GPHN: variants seen among roughly 807,000 people sequenced by gnomAD.
GPHN encodes gephyrin.
In GPHN, 17 loss-of-function variants were observed where a neutral mutation model predicts 95.5. The ratio of observed to expected loss-of-function variants is 0.18; its 90% CI spans 0.12 to 0.27. The LOEUF (loss-of-function observed/expected upper bound fraction) is 0.27, where lower values mean the gene tolerates loss of function less well. Ranked by LOEUF, GPHN falls within the 10% of genes least tolerant of loss-of-function variation. The pLI is 1.00. For missense variants in GPHN, 660 were observed against 978.1 expected (o/e 0.67, Z 4.34); for synonymous variants, 320 against 322.5 (o/e 0.99, Z 0.08).
the GPHN span, among the ~76,000 whole-genome samples, chr14:67,443,118 G>A: frequency 8.5e-5 from 13 of 152,266 alleles, no homozygotes; most frequent in Non-Finnish European, 1.6e-4. Context: ...CTACTTGGGA[G>A]GCTGAGGTGG....
chr14:67,256,897 G>C, the GPHN span, among the ~76,000 whole-genome samples: 4 of 152,234 alleles, frequency 2.6e-5, no homozygotes, highest in African/African-American at 9.6e-5. Context: ...ACCAAAGAAT[G>C]TGGGTATTGT....
At chr14:66,787,406 G>A (rs999440378) in intron 3 of GPHN, among the ~76,000 whole-genome samples, 2 of 152,124 alleles carry the variant, frequency 1.3e-5, no homozygotes, top group African/African-American at 2.4e-5. Flanking sequence ...AATGATGTCA[G>A]TTCTCCCCTA....
chr14:67,713,563 G>A, the GPHN span, among the ~76,000 whole-genome samples: 4 of 152,110 alleles, frequency 2.6e-5, no homozygotes, highest in South Asian at 2.1e-4. Context: ...CTGGTACCAG[G>A]CACTGATAGG....
intron 1 of GPHN, among the ~76,000 whole-genome samples, chr14:66,635,796 A>G (rs1440505559): frequency 6.6e-6 from 1 of 152,178 alleles, no homozygotes; most frequent in Non-Finnish European, 1.5e-5. Flanking sequence ...AAACACTCAA[A>G]GAAAAAATTT....
At chr14:67,477,090 T>C in the GPHN span, among the ~76,000 whole-genome samples, 1 of 151,296 alleles carries the variant, frequency 6.6e-6, no homozygotes, top group Non-Finnish European at 1.5e-5. Flanking sequence ...CGCTTGAACC[T>C]GGGAGGTGGA....
chr14:66,778,760 A>T (rs2059491797), intron 3 of GPHN, among the ~76,000 whole-genome samples: 1 of 104,032 alleles, frequency 9.6e-6, no homozygotes, highest in African/African-American at 4.1e-5. Context: ...TTTTTGAGAC[A>T]GTCTCGCTCT....
chr14:67,615,055 G>A, the GPHN span: 2 of 152,100 alleles, frequency 1.3e-5, no homozygotes, highest in Admixed American at 6.6e-5. Flanking sequence ...AACCTATTAA[G>A]GGATAGAGTG....
chr14:66,932,448 T>G (rs1432422041), intron 8 of GPHN, among the ~76,000 whole-genome samples: 2 of 93,260 alleles, frequency 2.1e-5, no homozygotes, highest in East Asian at 2.6e-4. Context: ...GACCAGGTTT[T>G]TTTTTTTTTT....
At chr14:67,537,367 TAATAATAATAATAAA>T in the GPHN span, among the ~76,000 whole-genome samples, 129 of 136,226 alleles carry the variant, frequency 9.5e-4, no homozygotes, top group East Asian at 0.025. Flanking sequence ...ATAATAATAA[TAATAATAATAATAAA>T]AACTTAATCT....
intron 2 of GPHN, among the ~76,000 whole-genome samples, chr14:66,742,580 A>G (rs560160492): frequency 6.6e-6 from 1 of 152,306 alleles, no homozygotes; most frequent in East Asian, 1.9e-4. Context: ...GACAGTTTTT[A>G]GCAGCCATGA....
At chr14:67,250,566 A>G in the GPHN span, among the ~76,000 whole-genome samples, 9 of 152,218 alleles carry the variant, frequency 5.9e-5, no homozygotes, top group African/African-American at 2.2e-4. Context: ...TGATTCTGAT[A>G]GTCATCTGGG....
chr14:67,140,745 A>T (rs2080408336), intron 17 of GPHN, among the ~76,000 whole-genome samples: 1 of 152,186 alleles, frequency 6.6e-6, no homozygotes, highest in Admixed American at 6.5e-5. Flanking sequence ...TGATAATATG[A>T]TCCAGCAAGG....
the GPHN span, among the ~76,000 whole-genome samples, chr14:67,210,377 G>A: frequency 6.6e-6 from 1 of 152,070 alleles, no homozygotes; most frequent in East Asian, 1.9e-4. Context: ...CTTGAGCCCA[G>A]GAGTTTGAAA....
intron 14 of GPHN, among the ~76,000 whole-genome samples, chr14:67,110,870 C>T (rs2078326949): frequency 6.6e-6 from 1 of 152,196 alleles, no homozygotes; most frequent in African/African-American, 2.4e-5. Context: ...CCCTCCATTG[C>T]CTCAAGTAAA....
At chr14:66,880,712 A>G (rs917253909) in intron 5 of GPHN, among the ~76,000 whole-genome samples, 3 of 151,960 alleles carry the variant, frequency 2.0e-5, no homozygotes, top group African/African-American at 7.2e-5. Context: ...TTATTATATT[A>G]CATTAATGAT....
At chr14:67,627,411 C>A in the GPHN span, among the ~76,000 whole-genome samples, 1 of 151,890 alleles carries the variant, frequency 6.6e-6, no homozygotes, top group Non-Finnish European at 1.5e-5. Context: ...ACAGTAAAGA[C>A]ACATTACAAA....
chr14:66,689,567 A>G (rs1037949740), intron 2 of GPHN, among the ~76,000 whole-genome samples: 3 of 152,156 alleles, frequency 2.0e-5, no homozygotes, highest in African/African-American at 7.2e-5. Flanking sequence ...GGCCTCTTAG[A>G]ATGAGTTTTG....
intron 3 of GPHN, 40 bp from the exon 4 acceptor site, chr14:66,824,433 CA>C: frequency 9.6e-7 from 1 of 1,045,014 alleles, no homozygotes; most frequent in East Asian, 2.4e-5. Context: ...AGCAAGCAGG[CA>C]AATTTTTCTG....
intron 1 of GPHN, among the ~76,000 whole-genome samples, chr14:66,616,782 A>G (rs981213570): frequency 2.0e-5 from 3 of 151,926 alleles, no homozygotes; most frequent in African/African-American, 7.3e-5. Context: ...ATCTTGGCTC[A>G]CTGCAACCTC....
Sources: gnomAD v4.1 joint callset for allele counts (sites outside exome capture counted in the v4.1 genomes callset) on GRCh38, gnomAD v4.1.1 for gene constraint, MANE v1.5 for transcripts, NCBI Gene and HGNC (gene_info 2026-07-23, HGNC 2026-07-21) for gene names.